PCDHA4: variants seen among roughly 807,000 people sequenced by gnomAD.
PCDHA4 encodes the protein protocadherin alpha 4, also known as protocadherin alpha-4.
A neutral mutation model predicts 61.4 loss-of-function variants in PCDHA4; 49 were observed. The ratio of observed to expected loss-of-function variants is 0.80; its 90% CI spans 0.63 to 1.01. The LOEUF (loss-of-function observed/expected upper bound fraction) is 1.01, where lower values mean the gene tolerates loss of function less well. Among genes scored for constraint, PCDHA4 ranks in the 50% least tolerant of loss-of-function variants. PCDHA4 has a pLI of 0.00. For synonymous variants in PCDHA4, 590 were observed against 550.3 expected (o/e 1.07, Z -1.01); for missense variants, 1,254 against 1,235.8 (o/e 1.01, Z -0.22).
chr5:140,869,894 T>A lies in PCDHA4; in HGVS notation c.2385+60322T>A, dbSNP rs1234875307. 5 of 1,610,472 alleles carry A rather than the reference T, an allele frequency of 3.1e-6. No individual in the cohort carries two copies. The African/African-American group carries it at 4.0e-5, about 13-fold the overall frequency. On this transcript the variant is annotated intron_variant, in intron 1 of 3. Coordinates refer to ENST00000530339, the MANE Select transcript of PCDHA4 (RefSeq NM_018907.4). ...GCTAAAGAAACTCTTGTGCTCAAAC[T>A]AAACGCCACAGACCGAGACGAAGGA...
chr5:140,967,257 G>A (rs782706939), intron 1 of PCDHA4: 2 of 1,613,486 alleles, frequency 1.2e-6, no homozygotes, highest in East Asian at 2.2e-5. Flanking sequence ...GTGGCGCCTG[G>A]AGCGCGCTTT....
At chr5:140,855,994 G>T in intron 1 of PCDHA4, 2 of 1,498,182 alleles carry the variant, frequency 1.3e-6, no homozygotes, top group South Asian at 1.3e-5. Flanking sequence ...ATGTCAGATC[G>T]TATGTGCGTT....
intron 1 of PCDHA4, among the ~76,000 whole-genome samples, chr5:140,900,673 A>G (rs936784929): frequency 3.3e-5 from 5 of 152,210 alleles, no homozygotes; most frequent in African/African-American, 1.2e-4. Flanking sequence ...GAGTGCAGTT[A>G]TCTCTTCAAT....
At chr5:140,833,364 G>C (rs1298324769) in intron 1 of PCDHA4, among the ~76,000 whole-genome samples, 1 of 152,118 alleles carries the variant, frequency 6.6e-6, no homozygotes, top group Admixed American at 6.6e-5. Context: ...AACACAGTAA[G>C]GTAGATCCAA....
At position 140,807,745 on chromosome 5, in the gene PCDHA4, C is replaced by T. The variant is rs782662590; in HGVS notation, c.558C>T (p.Asp186=). Residue 186 remains aspartate (D), a synonymous_variant, in exon 1 of 4, where the codon GAC becomes GAT. Transcript: ENST00000530339. ...EYFSLEKPPD[D]ELVKGLGLIL... ...TTTCTCTGGAAAAACCACCTGATGA[C>T]GAGCTGGTAAAAGGTCTTGGGCTTA... 19 of 1,614,132 alleles carry T rather than the reference C, an allele frequency of 1.2e-5. No homozygotes were observed. In the Admixed American group the frequency reaches 3.2e-4, roughly 27 times the overall value.
chr5:140,823,778 T>C (rs2150129086), intron 1 of PCDHA4: 2 of 1,613,772 alleles, frequency 1.2e-6, no homozygotes, highest in East Asian at 2.2e-5. Context: ...CTGGTGTCGC[T>C]GGTGGAAAGT....
rs782441014 is a variant in PCDHA4 at position 140,870,020 on chromosome 5, C to T, written c.2385+60448C>T. On this transcript the variant is annotated intron_variant, in intron 1 of 3. Transcript: ENST00000530339. ...AATGGAGAAGTGAGGGTCAATGGAACTTTAGATTATGAAGAAAACAAGTTT... is the reference window on the plus strand; with the variant it reads ...AATGGAGAAGTGAGGGTCAATGGAATTTTAGATTATGAAGAAAACAAGTTT... The T allele has an allele frequency of 1.9e-6, 3 of 1,613,394 alleles. No individual in the cohort carries two copies. The highest frequency in any genetic ancestry group is 2.7e-5 in the African/African-American group (2 of 74,862).
intron 1 of PCDHA4, chr5:140,969,448 G>C (rs781843317): frequency 2.0e-6 from 3 of 1,537,944 alleles, no homozygotes; most frequent in Non-Finnish European, 2.6e-6. Flanking sequence ...CTGGTAAACT[G>C]AGTATATATA....
intron 1 of PCDHA4, among the ~76,000 whole-genome samples, chr5:140,881,902 A>T (rs2058862295): frequency 6.6e-6 from 1 of 152,262 alleles, no homozygotes; most frequent in African/African-American, 2.4e-5. Flanking sequence ...GTCAGCTAAT[A>T]TAAAATGTTG....
chr5:140,860,407 G>C (rs2046379214), intron 1 of PCDHA4: 1 of 151,974 alleles, frequency 6.6e-6, no homozygotes, highest in African/African-American at 2.4e-5. Flanking sequence ...AAAAGCAATA[G>C]TAACACCATT....
At chr5:140,876,310 G>C (rs1167952130) in intron 1 of PCDHA4, 2 of 1,613,982 alleles carry the variant, frequency 1.2e-6, no homozygotes, top group Non-Finnish European at 1.7e-6. Context: ...AATTTCCTAT[G>C]GGATCAAAAT....
chr5:140,838,021 A>T (rs190658901), intron 1 of PCDHA4, among the ~76,000 whole-genome samples: 1 of 151,324 alleles, frequency 6.6e-6, no homozygotes, highest in African/African-American at 2.4e-5. Flanking sequence ...AAGTGATTAC[A>T]GTAGAAACCT....
intron 1 of PCDHA4, chr5:140,875,418 G>A: frequency 6.6e-7 from 1 of 1,515,104 alleles, no homozygotes; most frequent in Non-Finnish European, 8.8e-7. Flanking sequence ...AAATACCTCA[G>A]GCAAGCGATC....
At chr5:140,983,734 G>A (rs1194473513) in intron 3 of PCDHA4, among the ~76,000 whole-genome samples, 15 of 152,170 alleles carry the variant, frequency 9.9e-5, no homozygotes, top group African/African-American at 3.4e-4. Context: ...TAACATGGCT[G>A]GCTTGCAATA....
intron 1 of PCDHA4, among the ~76,000 whole-genome samples, chr5:140,952,230 A>C (rs1177331328): frequency 6.6e-6 from 1 of 151,960 alleles, no homozygotes; most frequent in African/African-American, 2.4e-5. Flanking sequence ...ACAGTGTGCA[A>C]GCTGCTTAGA....
chr5:140,807,977 C>T lies in PCDHA4; in HGVS notation c.790C>T (p.Leu264Phe). ...TCCTAATGGAACATTGGTAATTAAA[C>T]TTAACGCCTCAGATTTAGACGAAGG... The part of the protein sequence containing the change: ...NVPNGTLVIK[L>F]NASDLDEGLN... Residue 264 changes from leucine to phenylalanine, a missense_variant, in exon 1 of 4, where the codon CTT (leucine) becomes TTT (phenylalanine). Coordinates refer to ENST00000530339, the MANE Select transcript of PCDHA4 (RefSeq NM_018907.4). 1.2e-6 allele frequency: 2 copies of T among 1,613,728 alleles called. No individual in the cohort carries two copies. The highest frequency in any genetic ancestry group is 1.6e-4 in the Middle Eastern group (1 of 6,062).
intron 1 of PCDHA4, among the ~76,000 whole-genome samples, chr5:140,838,607 T>C (rs1389543577): frequency 1.3e-5 from 2 of 152,052 alleles, no homozygotes; most frequent in Non-Finnish European, 2.9e-5. Flanking sequence ...GTCTAGACTT[T>C]TAAAAATTTT....
chr5:140,821,697 A>C (rs1307389134), intron 1 of PCDHA4: 2 of 1,400,452 alleles, frequency 1.4e-6, no homozygotes, highest in African/African-American at 2.9e-5. Context: ...TAAAAAATAT[A>C]TAGTTAATTG....
At chr5:140,873,718 T>C (rs1259445115) in intron 1 of PCDHA4, among the ~76,000 whole-genome samples, 1 of 152,216 alleles carries the variant, frequency 6.6e-6, no homozygotes, top group East Asian at 1.9e-4. Context: ...TGGTGTGCAG[T>C]GGCGCAATCT....
Sources: gnomAD v4.1 joint callset for allele counts (sites outside exome capture counted in the v4.1 genomes callset) on GRCh38, gnomAD v4.1.1 for gene constraint, MANE v1.5 for transcripts, NCBI Gene and HGNC (gene_info 2026-07-23, HGNC 2026-07-21) for gene names.